ERLEC1: variants seen among roughly 807,000 people sequenced by gnomAD.
ERLEC1 encodes the protein ER lectin.
Under a neutral mutation model 68.0 loss-of-function variants are expected in ERLEC1, and 47 were observed. That is an observed-to-expected ratio of 0.69 (90% CI 0.55 to 0.88). The LOEUF is 0.88. Among genes scored for constraint, ERLEC1 ranks in the 40% least tolerant of loss-of-function variants. The pLI is 0.00. For missense variants in ERLEC1, 567 were observed against 583.8 expected (o/e 0.97, Z 0.30); for synonymous variants, 225 against 203.2 (o/e 1.11, Z -0.91).
At chr2:53,796,246 G>GTTTGTT (rs1675692417) in intron 3 of ERLEC1, among the ~76,000 whole-genome samples, 1 of 126,466 alleles carries the variant, frequency 7.9e-6, no homozygotes, top group African/African-American at 2.9e-5. Flanking sequence ...TGATGGGTTG[G>GTTTGTT]TTTTTTTTTT....
At chr2:53,797,016 C>G (rs914335330) in intron 3 of ERLEC1, among the ~76,000 whole-genome samples, 1 of 151,796 alleles carries the variant, frequency 6.6e-6, no homozygotes, top group Non-Finnish European at 1.5e-5. Context: ...CTCAGCCTCC[C>G]AAGTAGCTAG....
At chr2:53,794,277 G>A in intron 1 of ERLEC1, 68 bp from the exon 2 acceptor site, 1 of 644,302 alleles carries the variant, frequency 1.6e-6, no homozygotes, top group South Asian at 2.7e-5. Context: ...TTCCAGCTAA[G>A]ACTAAAGTTA....
intron 5 of ERLEC1, among the ~76,000 whole-genome samples, chr2:53,798,068 G>A (rs983843983): frequency 7.9e-5 from 12 of 152,014 alleles, no homozygotes; most frequent in African/African-American, 2.9e-4. Context: ...GGTGGCAGAC[G>A]CCTGTAGTCC....
chr2:53,815,910 C>G (rs538203639), intron 13 of ERLEC1, among the ~76,000 whole-genome samples: 1 of 152,322 alleles, frequency 6.6e-6, no homozygotes, highest in South Asian at 2.1e-4. Context: ...CTCAACACAT[C>G]TTAACAGAGG....
At position 53,814,583 on chromosome 2, in the gene ERLEC1, A is replaced by G. The variant is rs1401774073; in HGVS notation, c.1267A>G (p.Ile423Val). ...HFYGNGDICDITDKPRQVTVK... is the reference protein window; with the variant it reads ...HFYGNGDICDVTDKPRQVTVK... The stretch of plus-strand genomic sequence containing the variant: ...TTATGGAAATGGAGATATTTGTGAT[A>G]TAACTGACAAACCAAGACAGGTGAC... Residue 423 changes from isoleucine (I) to valine (V), a missense_variant, in exon 12 of 14, where the codon ATA becomes GTA. By Grantham distance (29) the Ile-to-Val change is conservative. Coordinates refer to ENST00000185150, the MANE Select transcript of ERLEC1 (RefSeq NM_015701.5). 1.9e-6 allele frequency: 3 copies of G among 1,612,082 alleles called. No individual in the cohort carries two copies. The highest frequency in any genetic ancestry group is 2.5e-6 in the Non-Finnish European group (3 of 1,178,800).
chr2:53,787,180 T>C lies in ERLEC1; in HGVS notation c.-31T>C, dbSNP rs576895513. On this transcript the variant is annotated 5_prime_UTR_variant, in exon 1 of 14. Coordinates refer to ENST00000185150, the MANE Select transcript of ERLEC1 (RefSeq NM_015701.5). ...TCTCCTCCTGGAGCAGAGGAGGTTG[T>C]GGCGGTGGCTGGAGAAAGCGGCGGC... The C allele has an allele frequency of 6.5e-7, 1 of 1,542,694 alleles. No individual in the cohort carries two copies. The highest frequency in any genetic ancestry group is 1.7e-5 in the Admixed American group (1 of 58,040).
intron 1 of ERLEC1, among the ~76,000 whole-genome samples, chr2:53,791,906 TAAAAAAAA>T (rs569591198): frequency 3.1e-4 from 37 of 117,762 alleles, no homozygotes; most frequent in East Asian, 5.9e-4. Context: ...AATGCTCTTT[TAAAAAAAA>T]AAAAAAAAAA....
chr2:53,805,860 T>C (rs189476763), intron 8 of ERLEC1, among the ~76,000 whole-genome samples: 4 of 152,348 alleles, frequency 2.6e-5, no homozygotes, highest in East Asian at 1.9e-4. Flanking sequence ...TCAGATGATA[T>C]CTCATTGTAG....
chr2:53,797,985 G>A (rs1055230118), intron 5 of ERLEC1, among the ~76,000 whole-genome samples, 190 bp downstream of exon 5: 7 of 152,032 alleles, frequency 4.6e-5, no homozygotes, highest in African/African-American at 1.7e-4. Context: ...TCACAAGGTC[G>A]GGAGATTGAG....
chr2:53,790,015 CAA>C (rs751868369), intron 1 of ERLEC1, among the ~76,000 whole-genome samples: 11 of 85,922 alleles, frequency 1.3e-4, no homozygotes, highest in Non-Finnish European at 1.5e-4. Context: ...GAGTCTGTCT[CAA>C]AAAAAAAAAA....
At chr2:53,802,983 A>T (rs1436950585) in intron 8 of ERLEC1, among the ~76,000 whole-genome samples, 1 of 152,132 alleles carries the variant, frequency 6.6e-6, no homozygotes, top group Non-Finnish European at 1.5e-5. Context: ...CTTAGGCTTG[A>T]AGATGTGATT....
Position 53,801,809 on chromosome 2 carries a change from A to T in ERLEC1, c.846A>T (p.Glu282Asp). The T allele has an allele frequency of 6.2e-7, 1 of 1,613,934 alleles. No individual in the cohort carries two copies. The highest frequency in any genetic ancestry group is 8.5e-7 in the Non-Finnish European group (1 of 1,179,844). The stretch of plus-strand genomic sequence containing the variant: ...TGAGGCAGCTGGAGCAGCAGGAAGA[A>T]ATACTAAGGGTGCCTTTTAGGAGAA... Reference protein sequence around the residue: ...LTLRQLEQQEEILRVPFRRNK... With the variant: ...LTLRQLEQQEDILRVPFRRNK... Residue 282 changes from glutamate to aspartate, a missense_variant, in exon 8 of 14, where the codon GAA (glutamate) becomes GAT (aspartate). Physicochemically the swap from Glu to Asp is conservative, Grantham distance 45. Coordinates refer to ENST00000185150, the MANE Select transcript of ERLEC1 (RefSeq NM_015701.5).
rs377086560 is a variant in ERLEC1 at position 53,814,942 on chromosome 2, T to G, written c.1380+7T>G. The G allele has an allele frequency of 2.6e-6, 4 of 1,521,324 alleles. No individual in the cohort carries two copies. In the African/African-American group the frequency reaches 5.6e-5, roughly 21 times the overall value. 94.2% of individuals were successfully genotyped at this position (1,521,324 alleles called of 1,614,324 possible). ...CTGTCAATATATTCTTGGGGTAAGTTAAAAAGAAAATAATCAAAAATTCCA... is the reference window on the plus strand; with the variant it reads ...CTGTCAATATATTCTTGGGGTAAGTGAAAAAGAAAATAATCAAAAATTCCA... On this transcript the variant is annotated splice_region_variant and intron_variant, in intron 13 of 13. Coordinates refer to ENST00000185150, the MANE Select transcript of ERLEC1 (RefSeq NM_015701.5).
chr2:53,797,565 G>A lies in ERLEC1; in HGVS notation c.399G>A (p.Gln133=). The A allele has an allele frequency of 2.5e-6, 4 of 1,612,568 alleles. No individual in the cohort carries two copies. The highest frequency in any genetic ancestry group is 3.4e-6 in the Non-Finnish European group (4 of 1,179,546). ...TATGTCATGGAAAACACATTCGGCA[G>A]TACCATGAAGAGAAAGAAACTGGTC... The part of the protein sequence containing the change: ...YEVCHGKHIR[Q]YHEEKETGQK... The change falls in exon 4 of 14, where the codon CAG becomes CAA. Residue 133 remains glutamine, a synonymous_variant. Transcript: ENST00000185150.
intron 1 of ERLEC1, among the ~76,000 whole-genome samples, chr2:53,793,699 A>T (rs1675535851): frequency 6.6e-6 from 1 of 151,752 alleles, no homozygotes; most frequent in East Asian, 1.9e-4. Flanking sequence ...CTCCCACCTC[A>T]ACCTCCCAAG....
intron 10 of ERLEC1, among the ~76,000 whole-genome samples, chr2:53,809,606 C>T (rs987665856): frequency 5.9e-5 from 9 of 151,972 alleles, no homozygotes; most frequent in African/African-American, 1.9e-4. Flanking sequence ...ATGAATTAGC[C>T]GGGAGTGGTG....
intron 2 of ERLEC1, 42 bp downstream of exon 2, chr2:53,794,491 T>A (rs570578227): frequency 1.1e-6 from 1 of 914,020 alleles, no homozygotes; most frequent in East Asian, 2.5e-5. Context: ...TCACCAAAAA[T>A]ATTTATGTAA....
rs1676193288 is a variant in ERLEC1 at position 53,804,796 on chromosome 2, C to G, written c.879+2954C>G. ...ACCCATTAACCATCCCCACCTCCTT[C>G]ACAACCTCCCACTACCCTTCCCAGC... On this transcript the variant is annotated intron_variant, in intron 8 of 13. Transcript: ENST00000185150. Among the ~76,000 whole-genome samples, 3 of 152,020 alleles carry G rather than the reference C, an allele frequency of 2.0e-5. No homozygotes were observed. The South Asian group carries it at 6.2e-4, about 32-fold the overall frequency.
intron 1 of ERLEC1, among the ~76,000 whole-genome samples, chr2:53,794,055 C>A: frequency 6.6e-6 from 1 of 152,192 alleles, no homozygotes; most frequent in East Asian, 1.9e-4. Flanking sequence ...GGAGGGGTGA[C>A]AAACTACCTA....
Sources: allele counts gnomAD v4.1 joint callset (sites outside exome capture counted in the v4.1 genomes callset), GRCh38; gene constraint gnomAD v4.1.1; transcripts MANE v1.5; gene names NCBI Gene and HGNC (gene_info 2026-07-23, HGNC 2026-07-21).